Variants in PBRM1 observed in about 807,000 individuals in gnomAD.
The protein encoded by PBRM1 is protein polybromo-1.
In PBRM1, 27 loss-of-function variants were observed where a neutral mutation model predicts 194.5. That is an observed-to-expected ratio of 0.14 (90% CI 0.10 to 0.19). PBRM1 has a LOEUF of 0.19. Among genes scored for constraint, PBRM1 ranks in the 10% least tolerant of loss-of-function variants. The pLI is 1.00. For missense variants in PBRM1, 1,466 were observed against 2,077.2 expected (o/e 0.71, Z 5.72); for synonymous variants, 655 against 693.2 (o/e 0.94, Z 0.87).
At chr3:52,605,281 C>T (rs541300204) in intron 16 of PBRM1, among the ~76,000 whole-genome samples, 5 of 151,936 alleles carry the variant, frequency 3.3e-5, no homozygotes, top group South Asian at 4.2e-4. Context: ...CTCCTGGCCT[C>T]GAGTGATCCT....
intron 20 of PBRM1, among the ~76,000 whole-genome samples, chr3:52,579,870 T>C (rs1576004075): frequency 1.3e-5 from 2 of 152,178 alleles, no homozygotes; most frequent in South Asian, 2.1e-4. Flanking sequence ...TGCATTACTA[T>C]AGTGTAAGGG....
chr3:52,634,209 T>C (rs1277910935), intron 11 of PBRM1, among the ~76,000 whole-genome samples: 2 of 151,814 alleles, frequency 1.3e-5, no homozygotes, highest in Non-Finnish European at 2.9e-5. Flanking sequence ...GAGGCCGAGG[T>C]GGGCAGATCA....
intron 22 of PBRM1, among the ~76,000 whole-genome samples, chr3:52,574,855 C>A (rs1379964883): frequency 1.3e-5 from 2 of 152,206 alleles, no homozygotes; most frequent in Admixed American, 6.5e-5. Flanking sequence ...TGGCTGATCA[C>A]TAAGCTTATA....
chr3:52,667,170 A>G (rs904700662), intron 3 of PBRM1, among the ~76,000 whole-genome samples: 1 of 152,202 alleles, frequency 6.6e-6, no homozygotes, highest in African/African-American at 2.4e-5. Context: ...TAGCTGCATT[A>G]AAGGCTTATA....
intron 4 of PBRM1, among the ~76,000 whole-genome samples, chr3:52,660,844 T>G (rs1054773003): frequency 6.6e-6 from 1 of 151,920 alleles, no homozygotes; most frequent in African/African-American, 2.4e-5. Flanking sequence ...TAAGAAGTAA[T>G]TGTATTTTTG....
intron 18 of PBRM1, among the ~76,000 whole-genome samples, chr3:52,588,839 A>AGCC (rs2092726406): frequency 6.6e-6 from 1 of 152,138 alleles, no homozygotes; most frequent in African/African-American, 2.4e-5. Flanking sequence ...TACAGGCGTG[A>AGCC]GCCACCGCGC....
intron 3 of PBRM1, among the ~76,000 whole-genome samples, chr3:52,665,576 A>T (rs2096817302): frequency 6.6e-6 from 1 of 152,184 alleles, no homozygotes; most frequent in Non-Finnish European, 1.5e-5. Flanking sequence ...GCAAGACAGC[A>T]TTATCGCCTG....
chr3:52,588,525 C>A (rs2092673690), intron 18 of PBRM1, among the ~76,000 whole-genome samples: 1 of 151,114 alleles, frequency 6.6e-6, no homozygotes, highest in Non-Finnish European at 1.5e-5. Flanking sequence ...TGAATCTCAA[C>A]CAGACTTTAA....
chr3:52,662,048 C>G (rs2096736151), intron 4 of PBRM1, 85 bp downstream of exon 5: 1 of 1,370,430 alleles, frequency 7.3e-7, no homozygotes, highest in African/African-American at 1.5e-5. Flanking sequence ...TCTAGTTGCC[C>G]ACAACAGCCC....
chr3:52,646,902 T>C (rs925101635), intron 7 of PBRM1, among the ~76,000 whole-genome samples: 10 of 151,906 alleles, frequency 6.6e-5, no homozygotes, highest in East Asian at 3.9e-4. Context: ...AAGAAAAAAA[T>C]AGATAAAGTG....
At chr3:52,650,380 A>G (rs2096456701) in intron 6 of PBRM1, among the ~76,000 whole-genome samples, 1 of 136,066 alleles carries the variant, frequency 7.3e-6, no homozygotes, top group Admixed American at 8.5e-5. Flanking sequence ...AAAAAAAAAA[A>G]ACCCTAAAAA....
intron 17 of PBRM1, among the ~76,000 whole-genome samples, chr3:52,596,928 A>G (rs2093610250): frequency 6.6e-6 from 1 of 152,096 alleles, no homozygotes; most frequent in African/African-American, 2.4e-5. Flanking sequence ...CTTGTGGCCT[A>G]CACTTCCCTT....
At chr3:52,556,932 T>G (rs998062199) in intron 26 of PBRM1, among the ~76,000 whole-genome samples, 3 of 152,044 alleles carry the variant, frequency 2.0e-5, no homozygotes, top group Admixed American at 2.0e-4. Context: ...GCTGCTGTTT[T>G]TTTTTTTTTT....
Position 52,605,005 on chromosome 3 carries a change from G to A in PBRM1, c.2568-1273C>T, listed in dbSNP as rs925994890. On this transcript the variant is annotated intron_variant, in intron 16 of 29. Transcript: ENST00000296302. Reference sequence around the variant, plus strand: ...AATAAATAAATAAAATGTGGGGAGTGGGCAAAATAAACTTCAGACTTTAGA... The same window carrying A: ...AATAAATAAATAAAATGTGGGGAGTAGGCAAAATAAACTTCAGACTTTAGA... 8.2e-5 allele frequency among the ~76,000 whole-genome samples: 10 copies of A among 122,104 alleles called. 1 individual carries two copies. Among genetic ancestry groups the A allele is most frequent in the African/African-American group, 1.4e-4 (5 of 36,696 alleles). The allele number at this position is 122,104 out of a possible 152,430, so 80.1% of individuals were successfully genotyped here. A position where few individuals can be genotyped will look rare whatever the true frequency, so the allele number is the denominator to read the frequency against.
At chr3:52,564,893 C>G (rs1279720115) in intron 22 of PBRM1, among the ~76,000 whole-genome samples, 1 of 151,986 alleles carries the variant, frequency 6.6e-6, no homozygotes, top group African/African-American at 2.4e-5. Context: ...ACTCCTACCT[C>G]CTATCATATA....
chr3:52,684,131 G>C (rs888722091), upstream of PBRM1, among the ~76,000 whole-genome samples: 8 of 117,192 alleles, frequency 6.8e-5, no homozygotes, highest in Middle Eastern at 9.1e-3. Context: ...TCACTTTACT[G>C]AACTCCAGCC....
At chr3:52,570,219 C>T (rs150272793) in intron 22 of PBRM1, among the ~76,000 whole-genome samples, 5 of 152,312 alleles carry the variant, frequency 3.3e-5, no homozygotes, top group East Asian at 1.9e-4. Context: ...TCAGGTGATC[C>T]GCCCTCCTTG....
At chr3:52,657,734 T>C (rs2096634596) in intron 5 of PBRM1, among the ~76,000 whole-genome samples, 1 of 152,016 alleles carries the variant, frequency 6.6e-6, no homozygotes, top group Non-Finnish European at 1.5e-5. Flanking sequence ...CCTCCCAAAG[T>C]GCTGGGATTA....
At chr3:52,672,098 G>C (rs1427368410) in intron 2 of PBRM1, among the ~76,000 whole-genome samples, 1 of 152,190 alleles carries the variant, frequency 6.6e-6, no homozygotes, top group African/African-American at 2.4e-5. Context: ...GCTGCATGCC[G>C]TCTGGATGTT....
Sources: allele counts gnomAD v4.1 joint callset (sites outside exome capture counted in the v4.1 genomes callset), GRCh38; gene constraint gnomAD v4.1.1; transcripts MANE v1.5; gene names NCBI Gene and HGNC (gene_info 2026-07-23, HGNC 2026-07-21).